The following FBRSL1 variants were observed in gnomAD, a reference collection of about 807,000 sequenced individuals.
FBRSL1 encodes fibrosin like 1.
A neutral mutation model predicts 89.6 loss-of-function variants in FBRSL1; 51 were observed. The ratio of observed to expected loss-of-function variants is 0.57; its 90% CI spans 0.45 to 0.72. The LOEUF (loss-of-function observed/expected upper bound fraction) is 0.72, where lower values mean the gene tolerates loss of function less well. FBRSL1 is among the 30% of genes least tolerant of loss of function. The pLI, the probability that FBRSL1 is intolerant of heterozygous loss-of-function variation, is 0.00. For synonymous variants in FBRSL1, 779 were observed against 681.1 expected (o/e 1.14, Z -2.24); for missense variants, 1,618 against 1,451.8 (o/e 1.11, Z -1.86).
intron 1 of FBRSL1, among the ~76,000 whole-genome samples, chr12:132,501,002 C>G (rs774247559): frequency 2.0e-5 from 3 of 152,246 alleles, no homozygotes; most frequent in Non-Finnish European, 4.4e-5. Context: ...CTGCGTGCCT[C>G]TCCCCAGGGA....
At chr12:132,508,469 C>A in intron 2 of FBRSL1, 119 bp downstream of exon 2, 1 of 1,203,760 alleles carries the variant, frequency 8.3e-7, no homozygotes, top group South Asian at 1.6e-5. Flanking sequence ...GCAGCGCGCC[C>A]ATCGTTGTCA....
chr12:132,522,548 A>G (rs1004514120), intron 2 of FBRSL1, among the ~76,000 whole-genome samples: 1 of 152,126 alleles, frequency 6.6e-6, no homozygotes, highest in Non-Finnish European at 1.5e-5. Context: ...AGGAAATTTG[A>G]AGCCGGCTGT....
intron 2 of FBRSL1, chr12:132,509,091 T>C: frequency 8.4e-7 from 1 of 1,194,998 alleles, no homozygotes; most frequent in South Asian, 4.1e-5. Flanking sequence ...GCATGCCTCC[T>C]GGGCCCGGGC....
chr12:132,542,800 A>G (rs1462643182), intron 4 of FBRSL1, among the ~76,000 whole-genome samples: 1 of 152,228 alleles, frequency 6.6e-6, no homozygotes, highest in Non-Finnish European at 1.5e-5. Flanking sequence ...TGAATTTTTC[A>G]TGCCTTTGTT....
chr12:132,561,838 G>C (rs2039155975), intron 5 of FBRSL1, among the ~76,000 whole-genome samples: 1 of 152,210 alleles, frequency 6.6e-6, no homozygotes, highest in Non-Finnish European at 1.5e-5. Flanking sequence ...GCAGGCCTGG[G>C]TGTTCAGTGC....
Position 132,572,607 on chromosome 12 carries a change from C to T in FBRSL1, c.1515C>T (p.Gly505=), listed in dbSNP as rs774021267. ...PHPGPFGSLQ[G]AFQPKTSSPI... ...CCGGCCCCTTCGGGTCCCTGCAGGG[C>T]GCTTTTCAGCCTAAGGTACCGCTGC... is the stretch of plus-strand genomic sequence containing the variant. Residue 505 remains glycine (G), a synonymous_variant, in exon 11 of 19, where the codon GGC becomes GGT. Transcript: ENST00000680143. The T allele has an allele frequency of 1.4e-5, 21 of 1,550,324 alleles. No homozygotes were observed. The highest frequency in any genetic ancestry group is 3.3e-4 in the Middle Eastern group (2 of 6,008).
chr12:132,529,132 G>A (rs2036044836), intron 4 of FBRSL1, among the ~76,000 whole-genome samples: 1 of 152,196 alleles, frequency 6.6e-6, no homozygotes, highest in Non-Finnish European at 1.5e-5. Flanking sequence ...GTGGGGGCCT[G>A]GACTCTGCCC....
chr12:132,530,060 T>TG (rs1162025510), intron 4 of FBRSL1, among the ~76,000 whole-genome samples: 2 of 151,700 alleles, frequency 1.3e-5, no homozygotes, highest in African/African-American at 4.9e-5. Flanking sequence ...GTCATGAGTA[T>TG]GATGACACTC....
intron 4 of FBRSL1, among the ~76,000 whole-genome samples, chr12:132,535,906 C>T (rs1485968748): frequency 1.4e-5 from 2 of 139,802 alleles, no homozygotes; most frequent in African/African-American, 2.8e-5. Context: ...TGTGAGTGCA[C>T]GTGTGTCCAT....
At chr12:132,508,438 C>T (rs991392343) in intron 2 of FBRSL1, 88 bp downstream of exon 2, 29 of 1,382,042 alleles carry the variant, frequency 2.1e-5, no homozygotes, top group South Asian at 1.0e-4. Context: ...CACCACGCCA[C>T]GTGGCCCCCG....
At chr12:132,581,054 G>C (rs3751309) in intron 15 of FBRSL1, 126,491 of 985,350 alleles carry the variant, frequency 0.13, 8,712 homozygotes, top group African/African-American at 0.25. Flanking sequence ...TAAGAAGTGA[G>C]GACCATCTAT....
At chr12:132,582,402 GTTCCCCTTCCCCGTTCCCCCTCCCCCA>G in intron 18 of FBRSL1, 136 bp downstream of exon 18, 2 of 635,844 alleles carry the variant, frequency 3.1e-6, no homozygotes, top group Non-Finnish European at 5.3e-6. Context: ...CCCTCCCCCT[GTTCCCCTTCCCCGTTCCCCCTCCCCCA>G]TTCCCTCTCA....
intron 4 of FBRSL1, among the ~76,000 whole-genome samples, chr12:132,536,817 G>A (rs140353739): frequency 5.3e-5 from 8 of 152,296 alleles, no homozygotes; most frequent in East Asian, 3.9e-4. Flanking sequence ...GTGTACATGC[G>A]TACGTATAAC....
At position 132,518,797 on chromosome 12, in the gene FBRSL1, T is replaced by TCCATCCAC. The variant is rs200549378; in HGVS notation, c.490-6932_490-6925dup. Among the ~76,000 whole-genome samples the TCCATCCAC allele has an allele frequency of 4.6e-3, 676 of 148,018 alleles. 4 individuals carry two copies. Among genetic ancestry groups the TCCATCCAC allele is most frequent in the African/African-American group, 0.016 (647 of 39,526 alleles). Reference sequence around the variant, plus strand: ...ATCCACCCATCTACCTGTCTGTCCATCCATCCACCCATGCATCCACCCATC... The same window carrying TCCATCCAC: ...ATCCACCCATCTACCTGTCTGTCCATCCATCCACCCATCCACCCATGCATCCACCCATC... On this transcript the variant is annotated intron_variant, in intron 2 of 18. Coordinates refer to ENST00000680143, the MANE Select transcript of FBRSL1 (RefSeq NM_001367871.1).
intron 4 of FBRSL1, among the ~76,000 whole-genome samples, chr12:132,530,567 G>C (rs1016133564): frequency 6.6e-6 from 1 of 152,036 alleles, no homozygotes; most frequent in Non-Finnish European, 1.5e-5. Context: ...GAGCCACTGG[G>C]TGCCCTTCTG....
intron 1 of FBRSL1, among the ~76,000 whole-genome samples, chr12:132,500,648 C>CT (rs1469694507): frequency 6.6e-6 from 1 of 152,270 alleles, no homozygotes; most frequent in East Asian, 1.9e-4. Context: ...GCCCAGGGCC[C>CT]TGCAGACTCC....
At chr12:132,556,220 C>T (rs1260329314) in intron 5 of FBRSL1, among the ~76,000 whole-genome samples, 4 of 152,180 alleles carry the variant, frequency 2.6e-5, no homozygotes, top group East Asian at 1.9e-4. Context: ...CACGCTTCTC[C>T]GGGCTCCCCC....
intron 4 of FBRSL1, among the ~76,000 whole-genome samples, chr12:132,545,674 AC>A (rs2037630133): frequency 6.6e-6 from 1 of 152,192 alleles, no homozygotes; most frequent in South Asian, 2.1e-4. Flanking sequence ...CTCGGGGCCA[AC>A]CCAGGCTCAA....
chr12:132,498,068 C>T (rs1349179913), intron 1 of FBRSL1, among the ~76,000 whole-genome samples: 1 of 152,194 alleles, frequency 6.6e-6, no homozygotes, highest in Non-Finnish European at 1.5e-5. Flanking sequence ...GCTGGCTGCA[C>T]CCCGGGAGAG....
Sources: allele counts gnomAD v4.1 joint callset (sites outside exome capture counted in the v4.1 genomes callset), GRCh38; gene constraint gnomAD v4.1.1; transcripts MANE v1.5; gene names NCBI Gene and HGNC (gene_info 2026-07-23, HGNC 2026-07-21).